KCNJ15: variants seen among roughly 807,000 people sequenced by gnomAD.
KCNJ15 encodes ATP-sensitive inward rectifier potassium channel 15.
Under a neutral mutation model 23.0 loss-of-function variants are expected in KCNJ15, and 14 were observed. The observed-to-expected ratio is 0.61, with a 90% CI of 0.40 to 0.95. The LOEUF (loss-of-function observed/expected upper bound fraction) is 0.95. Among genes scored for constraint, KCNJ15 ranks in the 40% least tolerant of loss-of-function variants. The pLI is 0.00. For missense variants in KCNJ15, 388 were observed against 461.8 expected, an observed-to-expected ratio of 0.84 and a Z score of 1.46; for synonymous variants, 185 against 183.2, an observed-to-expected ratio of 1.01 and a Z score of -0.08.
intron 1 of KCNJ15, among the ~76,000 whole-genome samples, chr21:38,262,212 T>G (rs2836254): frequency 0.8 from 121,507 of 152,160 alleles, 49,207 homozygotes; most frequent in African/African-American, 0.93. Context: ...ATGAAATTTG[T>G]CATCATTTGT....
intron 1 of KCNJ15, among the ~76,000 whole-genome samples, chr21:38,272,834 G>A (rs1373863898): frequency 6.6e-6 from 1 of 152,108 alleles, no homozygotes; most frequent in Non-Finnish European, 1.5e-5. Context: ...ATTAACCTTG[G>A]CAGGAAATCA....
intron 1 of KCNJ15, among the ~76,000 whole-genome samples, chr21:38,285,429 C>T (rs1360170099): frequency 1.3e-5 from 2 of 152,066 alleles, no homozygotes; most frequent in Non-Finnish European, 2.9e-5. Flanking sequence ...ATGAGGAAAC[C>T]GAGTCTCAAA....
chr21:38,244,952 G>A (rs928017990), intron 1 of KCNJ15, among the ~76,000 whole-genome samples: 1 of 152,090 alleles, frequency 6.6e-6, no homozygotes, highest in African/African-American at 2.4e-5. Context: ...CAAAGGATCA[G>A]CTAAAGGAAT....
upstream of KCNJ15, among the ~76,000 whole-genome samples, chr21:38,256,378 A>ATATATATATG (rs1555882101): frequency 1.1e-4 from 16 of 143,618 alleles, no homozygotes; most frequent in African/African-American, 3.6e-4. Flanking sequence ...ATATATATAT[A>ATATATATATG]TAATATTTAT....
chr21:38,259,070 T>A (rs574243304), intron 1 of KCNJ15, among the ~76,000 whole-genome samples: 3 of 152,254 alleles, frequency 2.0e-5, no homozygotes, highest in Admixed American at 2.0e-4. Context: ...AACAATGACA[T>A]ACTCGTTATA....
chr21:38,248,292 C>A (rs1979592356), intron 1 of KCNJ15, among the ~76,000 whole-genome samples: 1 of 152,160 alleles, frequency 6.6e-6, no homozygotes. Context: ...CACTTGATTG[C>A]TGGGAATACA....
At chr21:38,229,981 A>G (rs752179769) in intron 1 of KCNJ15, among the ~76,000 whole-genome samples, 1 of 152,238 alleles carries the variant, frequency 6.6e-6, no homozygotes, top group Non-Finnish European at 1.5e-5. Flanking sequence ...GCTGTTCTGA[A>G]GAGTGTTACT....
At chr21:38,276,418 A>ACCC (rs1216246069) in intron 1 of KCNJ15, among the ~76,000 whole-genome samples, 7 of 151,988 alleles carry the variant, frequency 4.6e-5, no homozygotes, top group African/African-American at 1.7e-4. Flanking sequence ...TTCAGTACTA[A>ACCC]ATTATGTGTG....
At position 38,231,954 on chromosome 21, in the gene KCNJ15, A is replaced by G. The variant is rs183782645; in HGVS notation, c.-398-25092A>G. 2.0e-3 allele frequency among the ~76,000 whole-genome samples: 307 copies of G among 151,942 alleles called. 4 individuals are homozygous for G. Among genetic ancestry groups the G allele is most frequent in the East Asian group, 5.8e-4 (3 of 5,178 alleles). On this transcript the variant is annotated intron_variant, in intron 1 of 4. Transcript: ENST00000547341. ...TGTGATATCTTTTGTTTTTGTGTCC[A>G]TATAACCAACCTCATAAAATGAGCT...
At chr21:38,273,918 A>G (rs958584018) in intron 1 of KCNJ15, among the ~76,000 whole-genome samples, 8 of 152,234 alleles carry the variant, frequency 5.3e-5, no homozygotes, top group Non-Finnish European at 7.3e-5. Flanking sequence ...CTCTTCTAAA[A>G]CTAGACAGCA....
intron 1 of KCNJ15, among the ~76,000 whole-genome samples, chr21:38,279,164 T>C (rs1013242302): frequency 6.6e-6 from 1 of 151,736 alleles, no homozygotes; most frequent in Non-Finnish European, 1.5e-5. Flanking sequence ...TTTCAGTGCC[T>C]GAGGGTCTAC....
chr21:38,243,054 G>A (rs1979119425), intron 1 of KCNJ15, among the ~76,000 whole-genome samples: 1 of 152,154 alleles, frequency 6.6e-6, no homozygotes, highest in Non-Finnish European at 1.5e-5. Flanking sequence ...CTCAGTTATT[G>A]AACTTCTCTT....
chr21:38,283,481 A>G (rs1983565046), intron 1 of KCNJ15, among the ~76,000 whole-genome samples: 1 of 152,240 alleles, frequency 6.6e-6, no homozygotes, highest in South Asian at 2.1e-4. Context: ...GCATTTTTTC[A>G]TGATTTTTAA....
chr21:38,255,977 C>T (rs1980193005), upstream of KCNJ15, among the ~76,000 whole-genome samples: 2 of 152,144 alleles, frequency 1.3e-5, no homozygotes, highest in African/African-American at 4.8e-5. Context: ...TTGGCATTGC[C>T]TTTGGACCAG....
upstream of KCNJ15, among the ~76,000 whole-genome samples, chr21:38,253,964 C>A (rs1980017491): frequency 6.6e-6 from 1 of 152,130 alleles, no homozygotes; most frequent in South Asian, 2.1e-4. Context: ...GTAAAATTAA[C>A]CATGTTCAAT....
Position 38,290,582 on chromosome 21 carries a change from G to A in KCNJ15, c.-116-6344G>A, listed in dbSNP as rs372785088. Among the ~76,000 whole-genome samples, 6 of 152,246 alleles carry A rather than the reference G, an allele frequency of 3.9e-5. No individual in the cohort carries two copies. The South Asian group carries it at 8.3e-4, about 21-fold the overall frequency. ...GCATCACTAGCAAACTCCAGCTACCGAATTGCTTGGGGAAATTGAGTTCTT... is the reference window on the plus strand; with the variant it reads ...GCATCACTAGCAAACTCCAGCTACCAAATTGCTTGGGGAAATTGAGTTCTT... On this transcript the variant is annotated intron_variant, in intron 1 of 2. Transcript: ENST00000398938.
At chr21:38,287,041 G>T (rs149371530) in intron 1 of KCNJ15, among the ~76,000 whole-genome samples, 15 of 151,908 alleles carry the variant, frequency 9.9e-5, no homozygotes, top group Admixed American at 4.6e-4. Context: ...ACTGTAATAG[G>T]TGCATTTTAA....
chr21:38,268,429 AT>A (rs1034718853), intron 1 of KCNJ15, among the ~76,000 whole-genome samples: 12 of 52,196 alleles, frequency 2.3e-4, no homozygotes, highest in South Asian at 1.0e-3. Flanking sequence ...ATGTAGGTGG[AT>A]TTTTTAAAAA....
rs1426563684 is a variant in KCNJ15, at chr21:38,299,719, C to T, written c.458C>T (p.Thr153Met). 13 of 1,614,088 alleles carry T rather than the reference C, an allele frequency of 8.1e-6. No individual in the cohort carries two copies. Among genetic ancestry groups the T allele is most frequent in the African/African-American group, 1.3e-5 (1 of 75,018 alleles). ...CTGTTGGTTGCTCAGTTGGTCATCACGACCTTGATTGAGATCTTCATCACC... is the reference window on the plus strand; with the variant it reads ...CTGTTGGTTGCTCAGTTGGTCATCATGACCTTGATTGAGATCTTCATCACC... ...IFLLVAQLVI[T>M]TLIEIFITGT... is the part of the protein sequence containing the mutation. The change falls in exon 3 of 3, where the codon ACG becomes ATG. Residue 153 changes from threonine (T) to methionine (M), a missense_variant. Physicochemically the swap from Thr to Met is moderately conservative, Grantham distance 81. Coordinates refer to ENST00000398938, the MANE Select transcript of KCNJ15 (RefSeq NM_170736.3). This position sits in a 1 kb window ranked among gnomAD's most constrained non-coding sequence, Gnocchi z 4.5.
Sources: allele counts gnomAD v4.1 joint callset (sites outside exome capture counted in the v4.1 genomes callset), GRCh38; gene constraint gnomAD v4.1.1; non-coding constraint Gnocchi (gnomAD v3.1); transcripts MANE v1.5; gene names NCBI Gene and HGNC (gene_info 2026-07-23, HGNC 2026-07-21).